Variants in DCAF5 observed in about 807,000 individuals in gnomAD.
The protein encoded by DCAF5 is DDB1- and CUL4-associated factor 5.
A neutral mutation model predicts 80.7 loss-of-function variants in DCAF5; 9 were observed. The ratio of observed to expected loss-of-function variants is 0.11; its 90% confidence interval spans 0.07 to 0.19. DCAF5 has a LOEUF of 0.19. DCAF5 is among the 10% of genes least tolerant of loss of function. DCAF5 has a pLI of 1.00. For synonymous variants in DCAF5, 433 were observed against 461.9 expected (o/e 0.94, Z 0.80); for missense variants, 842 against 1,205.7 (o/e 0.70, Z 4.47).
chr14:69,076,580 G>C (rs897537140), intron 6 of DCAF5, among the ~76,000 whole-genome samples: 2 of 152,210 alleles, frequency 1.3e-5, no homozygotes, highest in Non-Finnish European at 2.9e-5. Flanking sequence ...GGCACTTAGA[G>C]TAATAAAATT....
At chr14:69,061,754 A>G (rs1184284046) in intron 8 of DCAF5, among the ~76,000 whole-genome samples, 1 of 152,226 alleles carries the variant, frequency 6.6e-6, no homozygotes, top group East Asian at 1.9e-4. Context: ...AGGTTTGGAA[A>G]ACAGAATACA....
At chr14:69,071,271 T>C (rs1372441688) in intron 7 of DCAF5, among the ~76,000 whole-genome samples, 1 of 152,174 alleles carries the variant, frequency 6.6e-6, no homozygotes, top group Non-Finnish European at 1.5e-5. Flanking sequence ...GTATTGTTTA[T>C]ACAGTAAATA....
At chr14:69,099,251 AACACACACACACACACACACACAC>A (rs60913200) in intron 5 of DCAF5, among the ~76,000 whole-genome samples, 80 of 124,348 alleles carry the variant, frequency 6.4e-4, no homozygotes, top group African/African-American at 2.2e-3. Flanking sequence ...ACTCTGTCTC[AACACACACACACACACACACACAC>A]ACACACACAC....
chr14:69,103,207 CAT>C (rs1363770248), intron 5 of DCAF5, among the ~76,000 whole-genome samples: 7 of 152,262 alleles, frequency 4.6e-5, no homozygotes, highest in African/African-American at 1.7e-4. Flanking sequence ...GTGTGAAAAA[CAT>C]AGAAGCATAT....
rs529216482 is a variant in DCAF5, at chr14:69,054,488, A to C, written c.2198T>G (p.Phe733Cys). ...LPPEGCSKDT[F>C]KEETPRTPSN... ...GGGAGTTCTAGGAGTCTCTTCTTTAAAAGTGTCCTTGCTGCAGCCTTCAGG... is the reference window on the plus strand; with the variant it reads ...GGGAGTTCTAGGAGTCTCTTCTTTACAAGTGTCCTTGCTGCAGCCTTCAGG... The change falls in exon 9 of 9, where the codon TTT (phenylalanine) becomes TGT (cysteine). Residue 733 changes from phenylalanine (F) to cysteine (C), a missense_variant. Phe to Cys is a radical substitution (Grantham distance 205). Coordinates refer to ENST00000341516, the MANE Select transcript of DCAF5 (RefSeq NM_003861.3). 3.7e-6 allele frequency: 6 copies of C among 1,613,994 alleles called. No homozygotes were observed. The Admixed American group carries it at 8.3e-5, about 22-fold the overall frequency.
intron 5 of DCAF5, among the ~76,000 whole-genome samples, chr14:69,106,799 G>A (rs2040177455): frequency 6.6e-6 from 1 of 152,152 alleles, no homozygotes; most frequent in African/African-American, 2.4e-5. Context: ...CAGCACATTG[G>A]GAGGCTGAGA....
chr14:69,100,389 G>C (rs1329461377), intron 5 of DCAF5, among the ~76,000 whole-genome samples: 1 of 152,028 alleles, frequency 6.6e-6, no homozygotes, highest in Non-Finnish European at 1.5e-5. Context: ...CTGACCCATA[G>C]GATTCTGGTA....
intron 5 of DCAF5, among the ~76,000 whole-genome samples, chr14:69,115,672 A>G (rs566791965): frequency 6.6e-6 from 1 of 152,156 alleles, no homozygotes; most frequent in South Asian, 2.1e-4. Flanking sequence ...ACTCACCCCC[A>G]TTCCCACATC....
chr14:69,089,632 T>G lies in DCAF5; in HGVS notation c.879+2042A>C, dbSNP rs184455222. The G allele has an allele frequency of 2.6e-5, 4 of 152,356 alleles. No individual in the cohort carries two copies. The East Asian group carries it at 7.7e-4, about 29-fold the overall frequency. The allele number at this position is 152,356 out of a possible 1,614,324, so 9.4% of individuals were successfully genotyped here. On this transcript the variant is annotated intron_variant, in intron 6 of 8. Transcript: ENST00000341516. Reference sequence around the variant, plus strand: ...CAATGATATCTTTGATGTATATACCTAGGACTATCACAAAATACCTTCTGT... The same window carrying G: ...CAATGATATCTTTGATGTATATACCGAGGACTATCACAAAATACCTTCTGT...
At position 69,055,562 on chromosome 14, in the gene DCAF5, C is replaced by T. The variant is rs200862680; in HGVS notation, c.1124G>A (p.Arg375Gln). ...QPGCTGDLDG[R>Q]IEDDSRCLYT... ...GAGGCAGCGGGAATCGTCCTCAATC[C>T]GACCGTCGAGGTCTCCAGTACATCC... The change falls in exon 9 of 9, where the codon CGG becomes CAG. Residue 375 changes from arginine to glutamine, a missense_variant. This residue lies in a region of DCAF5 where 65 missense variants were observed against 191.3 expected (regional missense o/e 0.34). Coordinates refer to ENST00000341516, the MANE Select transcript of DCAF5 (RefSeq NM_003861.3). This position sits in a 1 kb window ranked among gnomAD's most constrained non-coding sequence, Gnocchi z 5.6. The T allele has an allele frequency of 5.5e-4, 893 of 1,611,604 alleles. No individual in the cohort carries two copies. Among genetic ancestry groups the T allele is most frequent in the Non-Finnish European group, 7.2e-4 (845 of 1,177,848 alleles).
chr14:69,082,511 A>C (rs1244166244), intron 6 of DCAF5, among the ~76,000 whole-genome samples: 1 of 152,240 alleles, frequency 6.6e-6, no homozygotes, highest in East Asian at 1.9e-4. Context: ...TCAAATAATC[A>C]GCAGAAAAGG....
At chr14:69,144,589 T>A (rs2041480811) in intron 1 of DCAF5, among the ~76,000 whole-genome samples, 1 of 151,836 alleles carries the variant, frequency 6.6e-6, no homozygotes, top group Non-Finnish European at 1.5e-5. Flanking sequence ...AAAAAAAGAT[T>A]AAAGGGGCAC....
chr14:69,091,999 A>C, intron 5 of DCAF5, 112 bp from the exon 6 acceptor site: 1 of 890,570 alleles, frequency 1.1e-6, no homozygotes, highest in South Asian at 1.7e-5. Flanking sequence ...ATTTCAGCAA[A>C]AGGATATTTC....
intron 1 of DCAF5, among the ~76,000 whole-genome samples, chr14:69,135,963 T>A (rs908977641): frequency 6.6e-6 from 1 of 152,338 alleles, no homozygotes; most frequent in South Asian, 2.1e-4. Flanking sequence ...TGTAACAGGC[T>A]ACGAGAAATT....
At position 69,119,234 on chromosome 14, in the gene DCAF5, CA is replaced by C; in HGVS notation, c.359-5del. On this transcript the variant is annotated splice_region_variant and splice_polypyrimidine_tract_variant and intron_variant, in intron 2 of 8. Transcript: ENST00000341516. ...AGGATAACTTGCTCATCATTGCCTG[CA>C]AAAGAAAAAAGCAGACATCTGATCA... 1.4e-5 allele frequency: 23 copies of C among 1,612,658 alleles called. No individual in the cohort carries two copies. Among genetic ancestry groups the C allele is most frequent in the Non-Finnish European group, 1.9e-5 (22 of 1,179,542 alleles).
At chr14:69,085,337 T>C in intron 6 of DCAF5, 6 of 688,554 alleles carry the variant, frequency 8.7e-6, no homozygotes, top group Non-Finnish European at 1.6e-5. Flanking sequence ...AAGTCCAAAA[T>C]CTTTAAACAT....
At position 69,107,346 on chromosome 14, in the gene DCAF5, T is replaced by C. The variant is rs80343864; in HGVS notation, c.665+9020A>G. Among the ~76,000 whole-genome samples the C allele has an allele frequency of 5.2e-3, 790 of 152,336 alleles. 5 individuals are homozygous for C. Among genetic ancestry groups the C allele is most frequent in the African/African-American group, 0.018 (754 of 41,574 alleles). ...GCAAATTCAACATGGACCTCTCTGATTAACCACTGCTTCCATCTTGTAAGA... is the reference window on the plus strand; with the variant it reads ...GCAAATTCAACATGGACCTCTCTGACTAACCACTGCTTCCATCTTGTAAGA... On this transcript the variant is annotated intron_variant, in intron 5 of 8. Coordinates refer to ENST00000341516, the MANE Select transcript of DCAF5 (RefSeq NM_003861.3).
At chr14:69,148,738 TCATAAAG>T (rs1443400013) in intron 1 of DCAF5, among the ~76,000 whole-genome samples, 2 of 152,140 alleles carry the variant, frequency 1.3e-5, no homozygotes, top group African/African-American at 4.8e-5. Context: ...AAAATCAAGT[TCATAAAG>T]CACCTTCACA....
chr14:69,144,433 G>A (rs1054157237), intron 1 of DCAF5, among the ~76,000 whole-genome samples: 5 of 151,926 alleles, frequency 3.3e-5, no homozygotes, highest in African/African-American at 1.2e-4. Flanking sequence ...TTAGCTGGGC[G>A]TGGTGGCGGG....
Sources: gnomAD v4.1 joint callset for allele counts (sites outside exome capture counted in the v4.1 genomes callset) on GRCh38, gnomAD v4.1.1 for gene constraint, gnomAD v4.1.1 regional missense constraint, Gnocchi (gnomAD v3.1) non-coding constraint, MANE v1.5 for transcripts, NCBI Gene and HGNC (gene_info 2026-07-23, HGNC 2026-07-21) for gene names.